Variants in ANO6 observed in about 807,000 individuals in gnomAD.
ANO6 encodes the protein anoctamin-6.
Under a neutral mutation model 117.5 loss-of-function variants are expected in ANO6, and 106 were observed. That is an observed-to-expected ratio of 0.90 (90% confidence interval 0.77 to 1.06). ANO6 has a LOEUF of 1.06. ANO6 is among the 50% of genes least tolerant of loss of function. The pLI is 0.00. For missense variants in ANO6, 955 were observed against 1,121.1 expected, an observed-to-expected ratio of 0.85 and a Z score of 2.12; for synonymous variants, 367 against 385.1, an observed-to-expected ratio of 0.95 and a Z score of 0.55.
At chr12:45,256,347 G>A (rs1298453210) in intron 1 of ANO6, 1 of 152,090 alleles carries the variant, frequency 6.6e-6, no homozygotes, top group Non-Finnish European at 1.5e-5. Context: ...ATTTACGTAT[G>A]GCAGTGCAGG....
At chr12:45,375,508 T>G (rs1941983997) in intron 9 of ANO6, among the ~76,000 whole-genome samples, 1 of 152,144 alleles carries the variant, frequency 6.6e-6, no homozygotes, top group Admixed American at 6.5e-5. Context: ...AAAACAGAGA[T>G]ATAGATCAAT....
At chr12:45,388,081 A>C in intron 10 of ANO6, 80 bp from the exon 11 acceptor site, 1 of 1,562,648 alleles carries the variant, frequency 6.4e-7, no homozygotes, top group Non-Finnish European at 8.8e-7. Context: ...TACAATGGAT[A>C]ATTAATATTA....
rs139914126 is a variant in ANO6 at position 45,423,535 on chromosome 12, T to C, written c.2526+473T>C. Among the ~76,000 whole-genome samples the C allele has an allele frequency of 2.0e-5, 3 of 152,354 alleles. No homozygotes were observed. The East Asian group carries it at 5.8e-4, about 29-fold the overall frequency. On this transcript the variant is annotated intron_variant, in intron 19 of 19. Transcript: ENST00000320560. Reference sequence around the variant, plus strand: ...TGCCAAATTACAAAGTATCAGAGTTTAATTGCTTAATTGGTATGGTAGATA... The same window carrying C: ...TGCCAAATTACAAAGTATCAGAGTTCAATTGCTTAATTGGTATGGTAGATA...
intron 1 of ANO6, 69 bp downstream of exon 1, chr12:45,216,460 G>A (rs979264542): frequency 2.6e-6 from 4 of 1,549,862 alleles, no homozygotes; most frequent in East Asian, 4.7e-5. Context: ...CGGGGACTGC[G>A]CGGGGGCGCT....
At chr12:45,291,990 G>A (rs1939116810) in intron 1 of ANO6, among the ~76,000 whole-genome samples, 2 of 152,024 alleles carry the variant, frequency 1.3e-5, no homozygotes, top group African/African-American at 4.8e-5. Flanking sequence ...TTGAAAACAG[G>A]GACTCAGATA....
intron 12 of ANO6, among the ~76,000 whole-genome samples, chr12:45,399,493 C>T (rs901027754): frequency 6.6e-6 from 1 of 152,076 alleles, no homozygotes; most frequent in East Asian, 1.9e-4. Flanking sequence ...CGCGCCTGGC[C>T]GAGGTCTTTT....
chr12:45,391,028 C>T lies in ANO6; in HGVS notation c.1386+530C>T, dbSNP rs145242196. Among the ~76,000 whole-genome samples, 459 of 151,720 alleles carry T rather than the reference C, an allele frequency of 3.0e-3. 4 individuals are homozygous for T. The highest frequency in any genetic ancestry group is 0.011 in the African/African-American group (439 of 41,378). On this transcript the variant is annotated intron_variant, in intron 12 of 19. Coordinates refer to ENST00000320560, the MANE Select transcript of ANO6 (RefSeq NM_001025356.3). ...CCCAGCTACTCGGGAGGCTGAGGCA[C>T]GAGAGTCACTTGAACCCAGGAGACG...
At chr12:45,271,234 A>C (rs1056928526) in intron 1 of ANO6, among the ~76,000 whole-genome samples, 3 of 152,242 alleles carry the variant, frequency 2.0e-5, no homozygotes, top group African/African-American at 7.2e-5. Flanking sequence ...CGAATAACAT[A>C]CAAATGTATA....
chr12:45,240,450 A>G (rs982290734), intron 1 of ANO6, among the ~76,000 whole-genome samples: 4 of 132,572 alleles, frequency 3.0e-5, no homozygotes, highest in Admixed American at 9.4e-5. Flanking sequence ...GTGTCTCTGC[A>G]CTTGAGATGG....
intron 1 of ANO6, chr12:45,293,072 G>A (rs1462204350): frequency 1.6e-6 from 2 of 1,275,450 alleles, no homozygotes; most frequent in East Asian, 5.2e-5. Flanking sequence ...TTATTAGTCT[G>A]CTTTGTGTGT....
intron 1 of ANO6, chr12:45,270,578 C>T (rs1281870777): frequency 2.1e-5 from 12 of 577,706 alleles, no homozygotes; most frequent in Admixed American, 6.5e-5. Flanking sequence ...TTTTCCCCTC[C>T]GACTGTCAGT....
chr12:45,347,160 G>A, intron 4 of ANO6, 73 bp downstream of exon 4: 1 of 1,430,774 alleles, frequency 7.0e-7, no homozygotes, highest in Non-Finnish European at 9.8e-7. Flanking sequence ...TGGAATACTT[G>A]GGTGACATTG....
intron 1 of ANO6, among the ~76,000 whole-genome samples, chr12:45,265,784 G>A (rs531321633): frequency 6.6e-6 from 1 of 152,204 alleles, no homozygotes; most frequent in East Asian, 1.9e-4. Flanking sequence ...CTGCAGGTTG[G>A]CTCCAACTTT....
intron 2 of ANO6, among the ~76,000 whole-genome samples, chr12:45,329,785 T>A (rs1940600158): frequency 6.6e-6 from 1 of 152,066 alleles, no homozygotes; most frequent in Admixed American, 6.6e-5. Context: ...CATGCACAAT[T>A]TTCCTCTAGC....
chr12:45,425,010 C>G (rs1029789135), intron 19 of ANO6, among the ~76,000 whole-genome samples: 2 of 151,350 alleles, frequency 1.3e-5, no homozygotes, highest in Non-Finnish European at 2.9e-5. Flanking sequence ...CCCTCAGTAA[C>G]CTCAAGGGTT....
At chr12:45,395,172 C>T (rs887211793) in intron 12 of ANO6, among the ~76,000 whole-genome samples, 2 of 152,054 alleles carry the variant, frequency 1.3e-5, no homozygotes, top group African/African-American at 2.4e-5. Flanking sequence ...GCCACTGATC[C>T]CATAGAAATA....
intron 1 of ANO6, among the ~76,000 whole-genome samples, chr12:45,251,042 G>A (rs919430288): frequency 6.6e-6 from 1 of 151,336 alleles, no homozygotes; most frequent in African/African-American, 2.4e-5. Context: ...TTCAACCTGG[G>A]CAACAGAGTG....
At chr12:45,300,368 G>A (rs1169539440) in intron 1 of ANO6, among the ~76,000 whole-genome samples, 1 of 152,016 alleles carries the variant, frequency 6.6e-6, no homozygotes, top group East Asian at 1.9e-4. Context: ...TTTTTGTAAA[G>A]ATGTCTAACC....
chr12:45,414,838 A>C (rs974728648), intron 16 of ANO6, among the ~76,000 whole-genome samples: 1 of 151,976 alleles, frequency 6.6e-6, no homozygotes, highest in Non-Finnish European at 1.5e-5. Context: ...ATCCCGGCTC[A>C]CTGCAACCTC....
Sources: allele counts gnomAD v4.1 joint callset (sites outside exome capture counted in the v4.1 genomes callset), GRCh38; gene constraint gnomAD v4.1.1; transcripts MANE v1.5; gene names NCBI Gene and HGNC (gene_info 2026-07-23, HGNC 2026-07-21).